DGKB: variants seen among roughly 807,000 people sequenced by gnomAD.
The protein encoded by DGKB is 90 kDa diacylglycerol kinase.
Under a neutral mutation model 114.3 loss-of-function variants are expected in DGKB, and 67 were observed. That is an observed-to-expected ratio of 0.59 (90% CI 0.48 to 0.72). The LOEUF (loss-of-function observed/expected upper bound fraction) is 0.72, where lower values mean the gene tolerates loss of function less well. DGKB is among the 30% of genes least tolerant of loss of function. The pLI, the probability that DGKB is intolerant of heterozygous loss-of-function variation, is 0.00. For missense variants in DGKB, 907 were observed against 975.2 expected, an observed-to-expected ratio of 0.93 and a Z score of 0.93; for synonymous variants, 398 against 323.1, an observed-to-expected ratio of 1.23 and a Z score of -2.49.
chr7:14,669,390 C>T (rs1248058581), intron 13 of DGKB, among the ~76,000 whole-genome samples: 2 of 152,078 alleles, frequency 1.3e-5, no homozygotes, highest in African/African-American at 4.8e-5. Flanking sequence ...CACTAATCCC[C>T]CCAGTGCCTT....
chr7:14,321,136 C>A (rs901731766), intron 23 of DGKB, among the ~76,000 whole-genome samples: 1 of 151,818 alleles, frequency 6.6e-6, no homozygotes, highest in Non-Finnish European at 1.5e-5. Flanking sequence ...ACAAAAAATA[C>A]AAAACTTAGC....
intron 20 of DGKB, among the ~76,000 whole-genome samples, chr7:14,557,907 T>C (rs1452957403): frequency 1.3e-5 from 2 of 151,678 alleles, no homozygotes; most frequent in African/African-American, 4.8e-5. Context: ...CCTGCAACAT[T>C]GGTTGATTAT....
At chr7:14,531,759 G>A (rs56196824) in intron 20 of DGKB, among the ~76,000 whole-genome samples, 3,296 of 151,158 alleles carry the variant, frequency 0.022, 113 homozygotes, top group African/African-American at 0.076. Context: ...AATTGGAAAA[G>A]TTACACTATC....
intron 14 of DGKB, among the ~76,000 whole-genome samples, chr7:14,626,259 G>C (rs796935062): frequency 1.6e-4 from 24 of 152,208 alleles, no homozygotes; most frequent in African/African-American, 5.8e-4. Flanking sequence ...TCAAGAACAG[G>C]GTTTTCTTCT....
intron 23 of DGKB, among the ~76,000 whole-genome samples, chr7:14,189,011 A>G (rs1783905737): frequency 6.6e-6 from 1 of 152,232 alleles, no homozygotes; most frequent in South Asian, 2.1e-4. Flanking sequence ...ATTACCATAA[A>G]GTTGGTGTTA....
chr7:14,407,030 A>G (rs1033120351), intron 21 of DGKB, among the ~76,000 whole-genome samples: 1 of 152,076 alleles, frequency 6.6e-6, no homozygotes, highest in East Asian at 1.9e-4. Context: ...GATCAAGTAC[A>G]TGAGGTCTAT....
chr7:14,561,489 C>T (rs1036203041), intron 20 of DGKB, among the ~76,000 whole-genome samples: 5 of 152,018 alleles, frequency 3.3e-5, no homozygotes, highest in Non-Finnish European at 1.5e-5. Flanking sequence ...GAAGATGGAA[C>T]AGTTTGGAGG....
At chr7:14,877,741 G>C (rs1164181670) in intron 1 of DGKB, among the ~76,000 whole-genome samples, 1 of 152,166 alleles carries the variant, frequency 6.6e-6, no homozygotes, top group Non-Finnish European at 1.5e-5. Context: ...TATTTACCAA[G>C]TTGACTTCAA....
At chr7:14,801,426 C>A (rs924535775) in intron 2 of DGKB, among the ~76,000 whole-genome samples, 4 of 152,084 alleles carry the variant, frequency 2.6e-5, no homozygotes, top group African/African-American at 9.7e-5. Flanking sequence ...CCAAATTAAA[C>A]ATGGTTTCTG....
chr7:14,742,699 T>C (rs1832746772), intron 4 of DGKB, among the ~76,000 whole-genome samples: 1 of 152,172 alleles, frequency 6.6e-6, no homozygotes, highest in Non-Finnish European at 1.5e-5. Flanking sequence ...TAGTACATAA[T>C]TAAAACAACT....
intron 23 of DGKB, among the ~76,000 whole-genome samples, chr7:14,216,338 G>T (rs1788954097): frequency 1.3e-5 from 2 of 151,988 alleles, no homozygotes; most frequent in Non-Finnish European, 2.9e-5. Context: ...GACTTTCAAG[G>T]TCACACTAGT....
intron 23 of DGKB, among the ~76,000 whole-genome samples, chr7:14,200,959 C>G (rs974565268): frequency 2.6e-5 from 4 of 152,096 alleles, no homozygotes; most frequent in African/African-American, 9.6e-5. Context: ...AAATTCTAAG[C>G]TAAGTAGAGA....
At chr7:14,528,545 T>C (rs926379037) in intron 20 of DGKB, among the ~76,000 whole-genome samples, 5 of 152,090 alleles carry the variant, frequency 3.3e-5, no homozygotes, top group African/African-American at 1.2e-4. Context: ...TTGAACTACA[T>C]AGTAACTTGC....
intron 13 of DGKB, among the ~76,000 whole-genome samples, chr7:14,646,392 C>T (rs1192728570): frequency 1.3e-5 from 2 of 152,044 alleles, no homozygotes; most frequent in Non-Finnish European, 2.9e-5. Flanking sequence ...ACAATAATAG[C>T]TAGGAACTTC....
chr7:14,884,893 C>G (rs189303664), intron 1 of DGKB, among the ~76,000 whole-genome samples: 26 of 151,980 alleles, frequency 1.7e-4, no homozygotes, highest in African/African-American at 5.8e-4. Context: ...CAATATTAAC[C>G]TCATGATTTC....
intron 25 of DGKB, among the ~76,000 whole-genome samples, chr7:14,159,072 C>T (rs182032290): frequency 3.3e-5 from 5 of 152,142 alleles, no homozygotes; most frequent in Admixed American, 2.0e-4. Context: ...ACTCACATCA[C>T]TTTCCTGTTG....
intron 1 of DGKB, among the ~76,000 whole-genome samples, chr7:14,961,464 T>G (rs1204612802): frequency 6.6e-6 from 1 of 152,122 alleles, no homozygotes; most frequent in Non-Finnish European, 1.5e-5. Flanking sequence ...TTTATTAGCC[T>G]CATGTGGCTG....
In DGKB at chr7:14,148,033, C is replaced by G. The variant is rs547936992; in HGVS notation, c.*1098G>C. ...CATTTATACTAGAAATAAACTGATACAATCATTTACTTCCTTCAAGTGTAC... is the reference window on the plus strand; with the variant it reads ...CATTTATACTAGAAATAAACTGATAGAATCATTTACTTCCTTCAAGTGTAC... On this transcript the variant is annotated 3_prime_UTR_variant, in exon 26 of 26. Coordinates refer to ENST00000402815, the MANE Select transcript of DGKB (RefSeq NM_001350709.2). 33 of 152,176 alleles carry G rather than the reference C, an allele frequency of 2.2e-4. No homozygotes were observed. Among genetic ancestry groups the G allele is most frequent in the African/African-American group, 7.2e-4 (30 of 41,542 alleles). 9.4% of individuals were successfully genotyped at this position (152,176 alleles called of 1,614,324 possible).
chr7:14,149,820 T>TTAA (rs1455376361), intron 25 of DGKB, among the ~76,000 whole-genome samples: 1 of 152,126 alleles, frequency 6.6e-6, no homozygotes, highest in Non-Finnish European at 1.5e-5. Flanking sequence ...TTCTAATTTG[T>TTAA]TAATTAATTG....
Sources: gnomAD v4.1 joint callset for allele counts (sites outside exome capture counted in the v4.1 genomes callset) on GRCh38, gnomAD v4.1.1 for gene constraint, MANE v1.5 for transcripts, NCBI Gene and HGNC (gene_info 2026-07-23, HGNC 2026-07-21) for gene names.